Variants in LOXHD1 observed in about 807,000 individuals in gnomAD.
The protein encoded by LOXHD1 is lipoxygenase homology PLAT domains 1.
A neutral mutation model predicts 248.2 loss-of-function variants in LOXHD1; 205 were observed. The ratio of observed to expected loss-of-function variants is 0.83; its 90% CI spans 0.74 to 0.93. The LOEUF (loss-of-function observed/expected upper bound fraction) is 0.93, where lower values mean the gene tolerates loss of function less well. Ranked by LOEUF, LOXHD1 falls within the 40% of genes least tolerant of loss-of-function variation. The pLI, the probability that LOXHD1 is intolerant of heterozygous loss-of-function variation, is 0.00. For missense variants in LOXHD1, 2,930 were observed against 2,971.6 expected (o/e 0.99, Z 0.33); for synonymous variants, 1,113 against 1,162.8 (o/e 0.96, Z 0.87).
chr18:46,568,368 T>G (rs945014007), intron 16 of LOXHD1, among the ~76,000 whole-genome samples: 1 of 152,216 alleles, frequency 6.6e-6, no homozygotes, highest in Admixed American at 6.5e-5. Context: ...ATTCTCACCT[T>G]GGCCAAACTC....
At chr18:46,642,853 C>G (rs1231076554) in intron 2 of LOXHD1, among the ~76,000 whole-genome samples, 1 of 152,146 alleles carries the variant, frequency 6.6e-6, no homozygotes, top group Non-Finnish European at 1.5e-5. Context: ...CTGCCAGCAG[C>G]TCTTGCTGTC....
chr18:46,512,821 C>A (rs1017288071), intron 34 of LOXHD1, among the ~76,000 whole-genome samples: 10 of 152,258 alleles, frequency 6.6e-5, no homozygotes, highest in African/African-American at 2.4e-4. Context: ...GGATCTCTCT[C>A]TTCTCCAGGG....
intron 4 of LOXHD1, among the ~76,000 whole-genome samples, chr18:46,626,855 A>G (rs1273225297): frequency 6.6e-6 from 1 of 152,138 alleles, no homozygotes; most frequent in Non-Finnish European, 1.5e-5. Context: ...GGTAACAATA[A>G]ACCTCCCTTG....
chr18:46,596,035 C>T (rs1400441858), intron 8 of LOXHD1, among the ~76,000 whole-genome samples: 6 of 152,050 alleles, frequency 3.9e-5, no homozygotes, highest in South Asian at 2.1e-4. Context: ...AGGTAAGCAA[C>T]AAAATATAGT....
chr18:46,601,122 T>A (rs1423293027), intron 8 of LOXHD1, 95 bp downstream of exon 8: 4 of 1,447,616 alleles, frequency 2.8e-6, no homozygotes, highest in Non-Finnish European at 2.8e-6. Flanking sequence ...CTGTAACTAG[T>A]TCAGAGAAGT....
intron 29 of LOXHD1, among the ~76,000 whole-genome samples, chr18:46,526,271 G>A (rs996039052): frequency 2.6e-5 from 4 of 152,162 alleles, no homozygotes; most frequent in African/African-American, 9.7e-5. Context: ...CCTGTGCTTG[G>A]GGAGTGGCTA....
At position 46,541,792 on chromosome 18, in the gene LOXHD1, C is replaced by T. The variant is rs780411781; in HGVS notation, c.3897G>A (p.Thr1299=). The T allele has an allele frequency of 4.1e-5, 63 of 1,551,564 alleles. No individual in the cohort carries two copies. The highest frequency in any genetic ancestry group is 1.5e-4 in the African/African-American group (11 of 73,042). The change falls in exon 25 of 41, where the codon ACG becomes ACA. Residue 1299 remains threonine (T), a synonymous_variant. Transcript: ENST00000642948. The part of the protein sequence containing the change: ...IRDLFHAELQ[T]RLYTPFVPYE... ...GGTTCCTACATGGTGTGTACAGCCT[C>T]GTCTGAAGCTCTGCATGGAAGAGGT... is the stretch of plus-strand genomic sequence containing the variant.
chr18:46,609,849 G>A (rs1419509427), intron 6 of LOXHD1, among the ~76,000 whole-genome samples: 2 of 152,218 alleles, frequency 1.3e-5, no homozygotes, highest in Non-Finnish European at 2.9e-5. Flanking sequence ...GTGCAAGTCT[G>A]AAGGGGGCTT....
At chr18:46,537,751 T>A (rs1390854546) in intron 26 of LOXHD1, among the ~76,000 whole-genome samples, 1 of 152,236 alleles carries the variant, frequency 6.6e-6, no homozygotes, top group Admixed American at 6.5e-5. Flanking sequence ...CAGGAGACCC[T>A]AGCCCATGAC....
chr18:46,633,947 G>A (rs79595593), intron 4 of LOXHD1, among the ~76,000 whole-genome samples: 4 of 152,148 alleles, frequency 2.6e-5, no homozygotes, highest in East Asian at 1.9e-4. Context: ...AGAAAATAGC[G>A]AGTGTTGGTC....
At chr18:46,540,696 G>T (rs1452296888) in intron 25 of LOXHD1, among the ~76,000 whole-genome samples, 5 of 127,976 alleles carry the variant, frequency 3.9e-5, no homozygotes, top group African/African-American at 1.4e-4. Context: ...ATGTCCTAGG[G>T]CATGTAGGGA....
At chr18:46,543,577 C>A (rs577119270) in intron 23 of LOXHD1, among the ~76,000 whole-genome samples, 61 of 152,110 alleles carry the variant, frequency 4.0e-4, no homozygotes, top group Admixed American at 1.0e-3. Flanking sequence ...AACCCCCCAC[C>A]CCCTGACAGG....
At position 46,477,421 on chromosome 18, in the gene LOXHD1, C is replaced by T; in HGVS notation, c.*51G>A. ...GGCTGCTGACCGCCAAGGTGGAGGG[C>T]AGAAATGTGAGATTGGGGCATCTCA... is the stretch of plus-strand genomic sequence containing the variant. On this transcript the variant is annotated 3_prime_UTR_variant, in exon 41 of 41. Transcript: ENST00000642948. 6.5e-7 allele frequency: 1 copy of T among 1,531,888 alleles called. No individual in the cohort carries two copies. The highest frequency in any genetic ancestry group is 2.0e-5 in the Admixed American group (1 of 50,122). 94.9% of individuals were successfully genotyped at this position (1,531,888 alleles called of 1,614,324 possible).
At chr18:46,537,189 G>A (rs899626784) in intron 26 of LOXHD1, among the ~76,000 whole-genome samples, 1 of 152,120 alleles carries the variant, frequency 6.6e-6, no homozygotes, top group African/African-American at 2.4e-5. Flanking sequence ...AGTAAGCTCA[G>A]TCCATTTGCT....
At chr18:46,602,026 G>A (rs530604526) in intron 7 of LOXHD1, among the ~76,000 whole-genome samples, 4 of 152,256 alleles carry the variant, frequency 2.6e-5, no homozygotes, top group Admixed American at 6.5e-5. Context: ...AACATTGTTG[G>A]TTGGGCCATT....
chr18:46,572,114 T>C lies in LOXHD1; in HGVS notation c.2019A>G (p.Leu673=), dbSNP rs2037763697. 6.4e-7 allele frequency: 1 copy of C among 1,551,854 alleles called. No individual in the cohort carries two copies. Among genetic ancestry groups the C allele is most frequent in the African/African-American group, 1.4e-5 (1 of 73,170 alleles). ...TCAGTGTCGCGCTGCTGTCACTGGG[T>C]AGCAACTCTCGGACCAGCTGCCCAT... ...KDDGQLVREL[L]PSDSSATLKN... Residue 673 remains leucine, a synonymous_variant, in exon 15 of 41, where the codon CTA becomes CTG. Transcript: ENST00000642948.
At chr18:46,629,318 G>A (rs1327212812) in intron 4 of LOXHD1, among the ~76,000 whole-genome samples, 1 of 152,202 alleles carries the variant, frequency 6.6e-6, no homozygotes, top group South Asian at 2.1e-4. Context: ...TAAGATTAAT[G>A]ATTTAATTAC....
At chr18:46,597,144 A>G (rs1198375527) in intron 8 of LOXHD1, among the ~76,000 whole-genome samples, 1 of 152,198 alleles carries the variant, frequency 6.6e-6, no homozygotes, top group Admixed American at 6.5e-5. Context: ...AGCATGCAGA[A>G]CTATTACTAT....
intron 28 of LOXHD1, among the ~76,000 whole-genome samples, chr18:46,531,946 C>T (rs193115068): frequency 2.0e-5 from 3 of 152,226 alleles, no homozygotes; most frequent in East Asian, 1.9e-4. Flanking sequence ...TATTTCTGGG[C>T]GACAACTCAG....
Sources: allele counts gnomAD v4.1 joint callset (sites outside exome capture counted in the v4.1 genomes callset), GRCh38; gene constraint gnomAD v4.1.1; transcripts MANE v1.5; gene names NCBI Gene and HGNC (gene_info 2026-07-23, HGNC 2026-07-21).